Variants in CEP83 observed in about 807,000 individuals in gnomAD.
The protein encoded by CEP83 is centrosomal protein 83.
In CEP83, 70 loss-of-function variants were observed where a neutral mutation model predicts 101.9. The ratio of observed to expected loss-of-function variants is 0.69; its 90% CI spans 0.57 to 0.84. The LOEUF (loss-of-function observed/expected upper bound fraction) is 0.84. CEP83 is among the 40% of genes least tolerant of loss of function. The pLI, the probability that CEP83 is intolerant of heterozygous loss-of-function variation, is 0.00. For synonymous variants in CEP83, 264 were observed against 267.9 expected, an observed-to-expected ratio of 0.99 and a Z score of 0.14; for missense variants, 715 against 787.2, an observed-to-expected ratio of 0.91 and a Z score of 1.10.
chr12:94,341,339 T>G (rs1296947813), intron 11 of CEP83, among the ~76,000 whole-genome samples: 1 of 152,230 alleles, frequency 6.6e-6, no homozygotes, highest in Admixed American at 6.5e-5. Context: ...AATGGATATT[T>G]CTGCTTTGCA....
chr12:94,422,704 T>C (rs374510960), intron 2 of CEP83, among the ~76,000 whole-genome samples: 3 of 152,346 alleles, frequency 2.0e-5, no homozygotes, highest in African/African-American at 7.2e-5. Context: ...AGTGAAATCA[T>C]ACAGTACGTA....
chr12:94,418,353 T>C (rs2064452120), intron 2 of CEP83, among the ~76,000 whole-genome samples: 1 of 152,052 alleles, frequency 6.6e-6, no homozygotes, highest in Non-Finnish European at 1.5e-5. Context: ...AGACTGAGAC[T>C]CTGTCTTTAA....
At chr12:94,409,344 C>T (rs2063739668) in intron 4 of CEP83, among the ~76,000 whole-genome samples, 2 of 151,680 alleles carry the variant, frequency 1.3e-5, no homozygotes. Flanking sequence ...AGAAGCCTTA[C>T]TAGATAAATT....
chr12:94,425,663 T>A (rs1479872442), intron 2 of CEP83, among the ~76,000 whole-genome samples: 1 of 152,212 alleles, frequency 6.6e-6, no homozygotes, highest in Non-Finnish European at 1.5e-5. Flanking sequence ...TATCTCCTTA[T>A]GATTTTAATT....
At chr12:94,289,973 A>G in the CEP83 span, among the ~76,000 whole-genome samples, 18 of 152,244 alleles carry the variant, frequency 1.2e-4, no homozygotes, top group Non-Finnish European at 2.5e-4. Flanking sequence ...TGAGCACAGC[A>G]CTAGCAGCGG....
chr12:94,283,330 C>T, the CEP83 span, among the ~76,000 whole-genome samples: 1 of 151,932 alleles, frequency 6.6e-6, no homozygotes, highest in Non-Finnish European at 1.5e-5. Flanking sequence ...GGAGAGCATG[C>T]GTGTTAGACT....
At chr12:94,437,209 G>A (rs964809336) in intron 1 of CEP83, among the ~76,000 whole-genome samples, 10 of 151,704 alleles carry the variant, frequency 6.6e-5, no homozygotes, top group African/African-American at 2.4e-4. Context: ...ACCTAGGCAT[G>A]GTGGTGTGGG....
chr12:94,443,715 G>T (rs1484804835), intron 1 of CEP83, among the ~76,000 whole-genome samples: 1 of 152,044 alleles, frequency 6.6e-6, no homozygotes, highest in African/African-American at 2.4e-5. Context: ...TCGAACTCCT[G>T]ACTTCAAGTG....
intron 1 of CEP83, among the ~76,000 whole-genome samples, chr12:94,439,513 C>A (rs972728637): frequency 7.5e-5 from 11 of 147,564 alleles, no homozygotes; most frequent in Admixed American, 7.4e-4. Flanking sequence ...AGGTCAATAA[C>A]AAGTAGCAAG....
the CEP83 span, among the ~76,000 whole-genome samples, chr12:94,299,613 G>A: frequency 1.3e-5 from 2 of 152,046 alleles, no homozygotes; most frequent in Non-Finnish European, 2.9e-5. Context: ...AGGCTGCAGT[G>A]CAGTGGTGGG....
At chr12:94,437,460 A>G (rs2066080888) in intron 1 of CEP83, among the ~76,000 whole-genome samples, 2 of 152,236 alleles carry the variant, frequency 1.3e-5, no homozygotes, top group African/African-American at 4.8e-5. Context: ...AAGACAAAGA[A>G]AAGAATCTTA....
At chr12:94,355,337 CA>C (rs1234105978) in intron 11 of CEP83, among the ~76,000 whole-genome samples, 3 of 151,800 alleles carry the variant, frequency 2.0e-5, no homozygotes, top group African/African-American at 7.3e-5. Flanking sequence ...ACTAAAAATA[CA>C]AAAAATTAGC....
At chr12:94,431,769 T>TA (rs888031716) in intron 2 of CEP83, among the ~76,000 whole-genome samples, 4 of 152,016 alleles carry the variant, frequency 2.6e-5, no homozygotes, top group Non-Finnish European at 5.9e-5. Context: ...ATGGCTACTA[T>TA]AAAAAAATAA....
At chr12:94,297,527 C>A in the CEP83 span, 1 of 777,340 alleles carries the variant, frequency 1.3e-6, no homozygotes, top group Non-Finnish European at 2.1e-6. Flanking sequence ...TCCCTTGTGC[C>A]TTCTAGCAAA....
At chr12:94,417,112 G>A (rs1379174818) in intron 2 of CEP83, among the ~76,000 whole-genome samples, 6 of 152,036 alleles carry the variant, frequency 3.9e-5, no homozygotes, top group Non-Finnish European at 7.4e-5. Context: ...CCAGGAGTTC[G>A]AGACCAGCCT....
intron 7 of CEP83, among the ~76,000 whole-genome samples, chr12:94,376,747 A>AT (rs55973264): frequency 0.023 from 2,771 of 119,994 alleles, 30 homozygotes; most frequent in Middle Eastern, 0.045. Context: ...ATATATATAT[A>AT]TTTTTTTTTT....
At chr12:94,364,220 C>G (rs977403919) in intron 11 of CEP83, among the ~76,000 whole-genome samples, 1 of 152,060 alleles carries the variant, frequency 6.6e-6, no homozygotes, top group South Asian at 2.1e-4. Context: ...TTCAATACCA[C>G]TGAATTGTAC....
At chr12:94,282,088 G>A in the CEP83 span, 1 of 496,304 alleles carries the variant, frequency 2.0e-6, no homozygotes, top group South Asian at 2.3e-5. Flanking sequence ...GGCTTATCAG[G>A]GAAGAAGTGG....
intron 9 of CEP83, 52 bp from the exon 10 acceptor site, chr12:94,368,253 A>T: frequency 7.1e-7 from 1 of 1,412,562 alleles, no homozygotes; most frequent in Non-Finnish European, 9.7e-7. Context: ...ATTAAGATGA[A>T]AAATCACATT....
Sources: gnomAD v4.1 joint callset for allele counts (sites outside exome capture counted in the v4.1 genomes callset) on GRCh38, gnomAD v4.1.1 for gene constraint, MANE v1.5 for transcripts, NCBI Gene and HGNC (gene_info 2026-07-23, HGNC 2026-07-21) for gene names.